LIPI: variants seen among roughly 807,000 people sequenced by gnomAD.
LIPI encodes lipase member I.
Under a neutral mutation model 50.6 loss-of-function variants are expected in LIPI, and 59 were observed. The observed-to-expected ratio is 1.16, with a 90% CI of 0.94 to 1.45. The LOEUF is 1.45. LIPI is among the 40% of genes most tolerant of loss of function. The pLI, the probability that LIPI is intolerant of heterozygous loss-of-function variation, is 0.00. For synonymous variants in LIPI, 203 were observed against 178.2 expected, an observed-to-expected ratio of 1.14 and a Z score of -1.11; for missense variants, 586 against 536.3, an observed-to-expected ratio of 1.09 and a Z score of -0.92.
intron 1 of LIPI, among the ~76,000 whole-genome samples, chr21:14,209,731 T>C (rs1459413890): frequency 6.6e-6 from 1 of 152,016 alleles, no homozygotes; most frequent in African/African-American, 2.4e-5. Flanking sequence ...AGAAAGTCTG[T>C]CAAATAAGTT....
chr21:14,161,647 T>TA lies in LIPI; in HGVS notation c.1006+1771_1006+1772insT, dbSNP rs796113640. Among the ~76,000 whole-genome samples the TA allele has an allele frequency of 6.5e-3, 685 of 104,592 alleles. 64 individuals carry two copies. In the East Asian group the frequency reaches 0.078, roughly 12 times the overall value. 68.6% of individuals were successfully genotyped at this position (104,592 alleles called of 152,430 possible). A position where few individuals can be genotyped will look rare whatever the true frequency, so the allele number is the denominator to read the frequency against. ...AATATATTAATATATAATATATACA[T>TA]TATTATATATTAATGTATAATATAT... is the stretch of plus-strand genomic sequence containing the variant. On this transcript the variant is annotated intron_variant, in intron 7 of 9. Transcript: ENST00000681601.
chr21:14,111,084 T>C (rs533063911), intron 9 of LIPI, among the ~76,000 whole-genome samples: 5 of 151,954 alleles, frequency 3.3e-5, no homozygotes, highest in Non-Finnish European at 5.9e-5. Context: ...ACTGATTTCA[T>C]TTCCTTTGAT....
chr21:14,174,023 A>T (rs2019008811), intron 4 of LIPI, among the ~76,000 whole-genome samples: 1 of 152,240 alleles, frequency 6.6e-6, no homozygotes, highest in East Asian at 1.9e-4. Context: ...AAAATTTAAC[A>T]GGGTCAGAGA....
chr21:14,150,255 G>T (rs929165206), intron 8 of LIPI, among the ~76,000 whole-genome samples: 2 of 152,152 alleles, frequency 1.3e-5, no homozygotes, highest in African/African-American at 2.4e-5. Context: ...TCCTTGACAC[G>T]TGGGGATTAC....
chr21:14,207,420 T>C (rs1352359688), intron 1 of LIPI, among the ~76,000 whole-genome samples: 2 of 152,092 alleles, frequency 1.3e-5, no homozygotes, highest in South Asian at 2.1e-4. Flanking sequence ...CTAGAAATAA[T>C]AGGCACAACT....
chr21:14,126,527 G>A (rs1232385098), intron 9 of LIPI, among the ~76,000 whole-genome samples: 1 of 152,024 alleles, frequency 6.6e-6, no homozygotes, highest in African/African-American at 2.4e-5. Context: ...AAAATATTTG[G>A]GGGAAAAATA....
intron 7 of LIPI, among the ~76,000 whole-genome samples, chr21:14,156,136 C>A: frequency 6.6e-6 from 1 of 151,886 alleles, no homozygotes; most frequent in Admixed American, 6.6e-5. Context: ...TAGGCCTCCC[C>A]AAATATATCC....
In LIPI at chr21:14,157,183, A is replaced by T. The variant is rs536011044; in HGVS notation, c.1007-4499T>A. Among the ~76,000 whole-genome samples, 17 of 152,024 alleles carry T rather than the reference A, an allele frequency of 1.1e-4. No homozygotes were observed. In the South Asian group the frequency reaches 3.5e-3, roughly 31 times the overall value. ...GAAATTGAGATGAAACCGTTAAATT[A>T]AAAAGAATCCTGACTTGCTGATTTG... On this transcript the variant is annotated intron_variant, in intron 7 of 9. Coordinates refer to ENST00000681601, the MANE Select transcript of LIPI (RefSeq NM_001302998.2).
At chr21:14,168,383 G>A (rs9975701) in intron 4 of LIPI, among the ~76,000 whole-genome samples, 55,920 of 151,906 alleles carry the variant, frequency 0.37, 10,478 homozygotes, top group African/African-American at 0.41. Context: ...GATACTCCTC[G>A]AGAAGAGCAA....
At chr21:14,191,983 G>A (rs889967754) in intron 1 of LIPI, among the ~76,000 whole-genome samples, 4 of 152,166 alleles carry the variant, frequency 2.6e-5, no homozygotes, top group African/African-American at 9.7e-5. Flanking sequence ...ATTGAACCAA[G>A]AAAAACAGTG....
intron 9 of LIPI, among the ~76,000 whole-genome samples, chr21:14,110,004 G>A (rs1269810639): frequency 6.6e-6 from 1 of 151,816 alleles, no homozygotes; most frequent in African/African-American, 2.4e-5. Context: ...AGAATATTAT[G>A]TATCTATCTT....
intron 8 of LIPI, among the ~76,000 whole-genome samples, chr21:14,150,826 G>A (rs139419721): frequency 0.019 from 2,940 of 152,240 alleles, 44 homozygotes; most frequent in Non-Finnish European, 0.025. Flanking sequence ...ATTTGGATTG[G>A]AATTTTTGTT....
Position 14,115,230 on chromosome 21 carries a change from T to C in LIPI, c.1296-6150A>G, listed in dbSNP as rs190358973. Among the ~76,000 whole-genome samples, 435 of 152,272 alleles carry C rather than the reference T, an allele frequency of 2.9e-3. 1 individual carries two copies. The highest frequency in any genetic ancestry group is 4.2e-3 in the Non-Finnish European group (283 of 68,024). ...CCTTGAGGCTCAGCGAGTTCCTGCT[T>C]CACCTCCCTAGTGCAGCTGCAAAGT... On this transcript the variant is annotated intron_variant, in intron 9 of 9. Coordinates refer to ENST00000681601, the MANE Select transcript of LIPI (RefSeq NM_001302998.2).
At chr21:14,140,840 T>C (rs1407816789) in intron 9 of LIPI, among the ~76,000 whole-genome samples, 3 of 152,128 alleles carry the variant, frequency 2.0e-5, no homozygotes, top group Non-Finnish European at 2.9e-5. Context: ...AACATTACAT[T>C]CATTATTCAG....
At chr21:14,193,602 C>T (rs2019749253) in intron 1 of LIPI, among the ~76,000 whole-genome samples, 1 of 152,010 alleles carries the variant, frequency 6.6e-6, no homozygotes, top group Non-Finnish European at 1.5e-5. Context: ...GCTGCACTAA[C>T]ATCAAGCAAA....
chr21:14,160,235 A>G (rs897264178), intron 7 of LIPI, among the ~76,000 whole-genome samples: 6 of 151,422 alleles, frequency 4.0e-5, no homozygotes, highest in African/African-American at 1.5e-4. Context: ...TGCTTACTAT[A>G]TAGCTACATT....
At chr21:14,113,641 T>C (rs77959551) in intron 9 of LIPI, among the ~76,000 whole-genome samples, 1 of 70,702 alleles carries the variant, frequency 1.4e-5, no homozygotes, top group African/African-American at 8.3e-5. Flanking sequence ...AGAAAAAAAA[T>C]CTCAAAAAAA....
rs1274031916 is a variant in LIPI at position 14,158,215 on chromosome 21, T to A, written c.1006+5204A>T. Among the ~76,000 whole-genome samples the A allele has an allele frequency of 2.0e-5, 3 of 151,852 alleles. No homozygotes were observed. In the East Asian group the frequency reaches 5.8e-4, roughly 29 times the overall value. On this transcript the variant is annotated intron_variant, in intron 7 of 9. Transcript: ENST00000681601. ...AGAGATCAATGCTTGACTACTAAAA[T>A]ACCTCAGGACGTTGTTAAAAAATTT... is the stretch of plus-strand genomic sequence containing the variant.
chr21:14,141,832 C>T (rs1053677237), intron 9 of LIPI, among the ~76,000 whole-genome samples: 1 of 152,134 alleles, frequency 6.6e-6, no homozygotes, highest in African/African-American at 2.4e-5. Flanking sequence ...TTTCTGATGT[C>T]TGGCCAAGAT....
Sources: gnomAD v4.1 joint callset for allele counts (sites outside exome capture counted in the v4.1 genomes callset) on GRCh38, gnomAD v4.1.1 for gene constraint, MANE v1.5 for transcripts, NCBI Gene and HGNC (gene_info 2026-07-23, HGNC 2026-07-21) for gene names.